PTPRD: variants seen among roughly 807,000 people sequenced by gnomAD.
PTPRD encodes the protein receptor-type tyrosine-protein phosphatase delta.
A neutral mutation model predicts 214.5 loss-of-function variants in PTPRD; 34 were observed. That is an observed-to-expected ratio of 0.16 (90% CI 0.12 to 0.21). PTPRD has a LOEUF of 0.21. Ranked by LOEUF, PTPRD falls within the 10% of genes least tolerant of loss-of-function variation. The pLI is 1.00. For synonymous variants in PTPRD, 1,128 were observed against 845.7 expected (o/e 1.33, Z -5.79); for missense variants, 2,545 against 2,398.7 (o/e 1.06, Z -1.27).
At chr9:8,929,981 T>G (rs1295340353) in intron 11 of PTPRD, among the ~76,000 whole-genome samples, 3 of 151,074 alleles carry the variant, frequency 2.0e-5, no homozygotes, top group African/African-American at 7.3e-5. Flanking sequence ...ATTATTATAC[T>G]TTAAGTTCTA....
intron 10 of PTPRD, among the ~76,000 whole-genome samples, chr9:9,042,275 C>T (rs1454636735): frequency 6.6e-6 from 1 of 152,160 alleles, no homozygotes; most frequent in African/African-American, 2.4e-5. Context: ...ACCAGTTTTA[C>T]TGAAGAAAAT....
At chr9:10,477,451 G>C (rs1245866794) in intron 2 of PTPRD, among the ~76,000 whole-genome samples, 1 of 152,154 alleles carries the variant, frequency 6.6e-6, no homozygotes, top group South Asian at 2.1e-4. Context: ...AAGCCAGTTA[G>C]AATGGTGATC....
At chr9:8,381,377 T>G (rs1056619226) in intron 37 of PTPRD, among the ~76,000 whole-genome samples, 1 of 152,220 alleles carries the variant, frequency 6.6e-6, no homozygotes, top group Non-Finnish European at 1.5e-5. Context: ...GTAACTATTC[T>G]GGAAATTTTT....
intron 30 of PTPRD, among the ~76,000 whole-genome samples, chr9:8,473,027 G>A (rs1380921697): frequency 1.3e-5 from 2 of 152,198 alleles, no homozygotes; most frequent in Non-Finnish European, 2.9e-5. Flanking sequence ...AGCTGCTACT[G>A]GCTAGTATGA....
chr9:8,824,797 G>C (rs778709628), intron 11 of PTPRD, among the ~76,000 whole-genome samples: 6 of 151,950 alleles, frequency 3.9e-5, no homozygotes, highest in Non-Finnish European at 7.4e-5. Flanking sequence ...GAATAAGCAG[G>C]GTTTGCTGAA....
chr9:9,181,703 G>A (rs1215621869), intron 10 of PTPRD, among the ~76,000 whole-genome samples: 1 of 151,982 alleles, frequency 6.6e-6, no homozygotes. Context: ...CCAGGCAAAT[G>A]TAAGTCTAGA....
rs566235587 is a variant in PTPRD at position 9,307,449 on chromosome 9, A to G, written c.-203+90000T>C. 2.5e-3 allele frequency among the ~76,000 whole-genome samples: 387 copies of G among 152,232 alleles called. 1 individual carries two copies. The highest frequency in any genetic ancestry group is 8.5e-3 in the African/African-American group (353 of 41,556). Reference sequence around the variant, plus strand: ...GTCTTTTCCTGCACCATCTTTACTCATAAGCTTAAGGGTACGATTGCTAAG... The same window carrying G: ...GTCTTTTCCTGCACCATCTTTACTCGTAAGCTTAAGGGTACGATTGCTAAG... On this transcript the variant is annotated intron_variant, in intron 9 of 45. Coordinates refer to ENST00000381196, the MANE Select transcript of PTPRD (RefSeq NM_002839.4).
Position 9,191,177 on chromosome 9 carries a change from G to C in PTPRD, c.-202-7814C>G, listed in dbSNP as rs1025864482. On this transcript the variant is annotated intron_variant, in intron 9 of 45. Transcript: ENST00000381196. ...TCTGTCTCTTGGAGCCTTTGGTCTG[G>C]AAAAAGCCAGTTACCACATGATGAC... 3.3e-5 allele frequency among the ~76,000 whole-genome samples: 5 copies of C among 152,218 alleles called. No individual in the cohort carries two copies. In the East Asian group the frequency reaches 5.8e-4, roughly 18 times the overall value.
chr9:9,266,166 G>A (rs1053798535), intron 9 of PTPRD, among the ~76,000 whole-genome samples: 1 of 151,200 alleles, frequency 6.6e-6, no homozygotes, highest in African/African-American at 2.4e-5. Flanking sequence ...ATGATAAAAG[G>A]GTCAAATCAT....
At chr9:8,732,365 G>C (rs1374309036) in intron 12 of PTPRD, among the ~76,000 whole-genome samples, 2 of 152,162 alleles carry the variant, frequency 1.3e-5, no homozygotes, top group African/African-American at 4.8e-5. Flanking sequence ...GTCTAAATGG[G>C]CTTTTGCCAA....
intron 10 of PTPRD, among the ~76,000 whole-genome samples, chr9:9,024,338 G>GTTTTT (rs746383829): frequency 9.8e-5 from 6 of 61,360 alleles, no homozygotes; most frequent in East Asian, 5.3e-4. Context: ...TCGATTCTTT[G>GTTTTT]TTTTTTTTTG....
intron 11 of PTPRD, among the ~76,000 whole-genome samples, chr9:8,940,533 T>A (rs1202300638): frequency 1.4e-5 from 2 of 147,958 alleles, no homozygotes; most frequent in African/African-American, 2.5e-5. Context: ...CCTCAGGTGA[T>A]CCACCTGCCC....
At chr9:9,754,496 C>T (rs879278485) in intron 6 of PTPRD, among the ~76,000 whole-genome samples, 3 of 152,006 alleles carry the variant, frequency 2.0e-5, no homozygotes, top group Non-Finnish European at 2.9e-5. Flanking sequence ...TAAATAATAG[C>T]AGTTCTTGAC....
intron 2 of PTPRD, among the ~76,000 whole-genome samples, chr9:10,424,867 TA>T: frequency 6.6e-6 from 1 of 152,142 alleles, no homozygotes; most frequent in South Asian, 2.1e-4. Flanking sequence ...TCTACTTCTC[TA>T]ATAATCACTT....
intron 2 of PTPRD, among the ~76,000 whole-genome samples, chr9:10,453,571 G>C (rs2098869236): frequency 6.6e-6 from 1 of 151,458 alleles, no homozygotes; most frequent in Admixed American, 6.6e-5. Flanking sequence ...TTGCAAATGA[G>C]ATTGCTTTTT....
chr9:9,558,984 T>C (rs1569569263), intron 8 of PTPRD, among the ~76,000 whole-genome samples: 1 of 152,150 alleles, frequency 6.6e-6, no homozygotes, highest in Non-Finnish European at 1.5e-5. Flanking sequence ...ACTTCAATGC[T>C]CTAAGTAGGC....
intron 11 of PTPRD, among the ~76,000 whole-genome samples, chr9:8,779,438 A>C (rs182212832): frequency 6.6e-6 from 1 of 152,094 alleles, no homozygotes; most frequent in Non-Finnish European, 1.5e-5. Context: ...GGCTTCAATA[A>C]AACCTAATGT....
At chr9:9,058,606 C>A (rs1272085980) in intron 10 of PTPRD, among the ~76,000 whole-genome samples, 1 of 150,902 alleles carries the variant, frequency 6.6e-6, no homozygotes, top group Non-Finnish European at 1.5e-5. Flanking sequence ...CCCGCCACCT[C>A]GCCCGGCTAA....
intron 2 of PTPRD, among the ~76,000 whole-genome samples, chr9:10,348,324 C>G (rs1400630863): frequency 6.6e-6 from 1 of 152,106 alleles, no homozygotes; most frequent in Non-Finnish European, 1.5e-5. Flanking sequence ...ATGTTGTTAT[C>G]TAAGTTTCTA....
Sources: allele counts gnomAD v4.1 joint callset (sites outside exome capture counted in the v4.1 genomes callset), GRCh38; gene constraint gnomAD v4.1.1; transcripts MANE v1.5; gene names NCBI Gene and HGNC (gene_info 2026-07-23, HGNC 2026-07-21).